The following SGSM1 variants were observed in gnomAD, a reference collection of about 807,000 sequenced individuals.
SGSM1 encodes the protein RUN and TBC1 domain containing 2.
SGSM1 carries 73 observed loss-of-function variants against 133.8 expected under a neutral mutation model. The observed-to-expected ratio is 0.55, with a 90% CI of 0.45 to 0.66. The LOEUF is 0.66. Ranked by LOEUF, SGSM1 falls within the 30% of genes least tolerant of loss-of-function variation. The pLI is 0.00. For missense variants in SGSM1, 1,213 were observed against 1,448.1 expected (o/e 0.84, Z 2.64); for synonymous variants, 563 against 573.0 (o/e 0.98, Z 0.25).
chr22:24,898,002 G>A lies in SGSM1; in HGVS notation c.2053G>A (p.Val685Met), dbSNP rs2123702789. The A allele has an allele frequency of 6.2e-7, 1 of 1,608,908 alleles. No individual in the cohort carries two copies. Among genetic ancestry groups the A allele is most frequent in the East Asian group, 2.2e-5 (1 of 44,712 alleles). Residue 685 changes from valine to methionine, a missense_variant, in exon 19 of 25, where the codon GTG becomes ATG. By Grantham distance (21) the Val-to-Met change is conservative. Coordinates refer to ENST00000400358, the MANE Select transcript of SGSM1 (RefSeq NM_001098497.3). ...TGAGTCTGTGGATGAGGTGGAGCAG[G>A]TGGAGGCTGAAGGCAGATTGGAGGA... ...VFESVDEVEQVEAEGRLEEKQ... is the reference protein window; with the variant it reads ...VFESVDEVEQMEAEGRLEEKQ...
intron 4 of SGSM1, among the ~76,000 whole-genome samples, chr22:24,849,054 G>A (rs1483265639): frequency 2.0e-5 from 3 of 152,196 alleles, no homozygotes; most frequent in Non-Finnish European, 2.9e-5. Context: ...CACTGGGAGT[G>A]ACCTCCTAGT....
At chr22:24,876,739 T>C in intron 13 of SGSM1, 24 bp downstream of exon 13, 3 of 1,613,710 alleles carry the variant, frequency 1.9e-6, no homozygotes, top group Non-Finnish European at 2.5e-6. Flanking sequence ...GAGCTGCAGA[T>C]GGAGAGAGCT....
At chr22:24,870,427 A>G (rs1569156564) in intron 12 of SGSM1, among the ~76,000 whole-genome samples, 1 of 152,244 alleles carries the variant, frequency 6.6e-6, no homozygotes, top group Non-Finnish European at 1.5e-5. Flanking sequence ...TTGCCTTCCC[A>G]GGAAACTCCA....
intron 8 of SGSM1, 169 bp downstream of exon 8, chr22:24,855,849 GCACCCATCCTTACATCCATCCATC>G: frequency 1.0e-6 from 1 of 980,800 alleles, no homozygotes; most frequent in Non-Finnish European, 1.6e-6. Flanking sequence ...ATATTTACAC[GCACCCATCCTTACATCCATCCATC>G]CACCCATTGT....
chr22:24,879,861 C>A (rs1932233353), intron 14 of SGSM1, among the ~76,000 whole-genome samples: 1 of 152,176 alleles, frequency 6.6e-6, no homozygotes, highest in East Asian at 1.9e-4. Flanking sequence ...AAAGCCCCAG[C>A]ACCTAGTATT....
chr22:24,862,950 G>A (rs977640544), intron 9 of SGSM1, among the ~76,000 whole-genome samples: 1 of 152,144 alleles, frequency 6.6e-6, no homozygotes, highest in Non-Finnish European at 1.5e-5. Context: ...TGCACCCAAC[G>A]TCAAAGCTTT....
chr22:24,902,286 C>T (rs1933194584), intron 20 of SGSM1, among the ~76,000 whole-genome samples: 1 of 152,142 alleles, frequency 6.6e-6, no homozygotes, highest in Non-Finnish European at 1.5e-5. Context: ...AGTGGCTGAG[C>T]GGGAACTCAT....
chr22:24,877,702 C>A (rs1932092623), intron 13 of SGSM1, among the ~76,000 whole-genome samples: 2 of 151,848 alleles, frequency 1.3e-5, no homozygotes, highest in South Asian at 2.1e-4. Context: ...GTCTCTCATC[C>A]CAAACTTCCT....
In SGSM1 at chr22:24,807,061, C is replaced by G. The variant is rs190610047; in HGVS notation, c.63+577C>G. Among the ~76,000 whole-genome samples, 540 of 152,228 alleles carry G rather than the reference C, an allele frequency of 3.5e-3. 2 individuals are homozygous for G. The highest frequency in any genetic ancestry group is 0.012 in the African/African-American group (517 of 41,548). Reference sequence around the variant, plus strand: ...GCAGTAGGGGTCCCTTCACTCCCCCCGCCCCACTCCCACCCCACATTCAGA... The same window carrying G: ...GCAGTAGGGGTCCCTTCACTCCCCCGGCCCCACTCCCACCCCACATTCAGA... On this transcript the variant is annotated intron_variant, in intron 2 of 24. Coordinates refer to ENST00000400358, the MANE Select transcript of SGSM1 (RefSeq NM_001098497.3).
At chr22:24,898,668 G>A (rs1054431317) in intron 19 of SGSM1, 109 bp downstream of exon 19, 42 of 1,113,836 alleles carry the variant, frequency 3.8e-5, no homozygotes, top group Non-Finnish European at 5.2e-5. Flanking sequence ...CCTCTGGTTC[G>A]TTGCATTTTT....
rs1445424438 is a variant in SGSM1, at chr22:24,860,912, AAAAAAAAAAAATATAT to A, written c.926+1074_926+1089del. ...GAGACTGTCTTAAAAAAAAAAAAAA[AAAAAAAAAAAATATAT>A]ATATATATATATATATATATAATTT... On this transcript the variant is annotated intron_variant, in intron 9 of 24. Coordinates refer to ENST00000400358, the MANE Select transcript of SGSM1 (RefSeq NM_001098497.3). 6.6e-4 allele frequency among the ~76,000 whole-genome samples: 65 copies of A among 97,766 alleles called. 1 individual carries two copies. The highest frequency in any genetic ancestry group is 2.8e-3 in the African/African-American group (59 of 20,702). 64.1% of individuals were successfully genotyped at this position (97,766 alleles called of 152,430 possible).
intron 2 of SGSM1, among the ~76,000 whole-genome samples, chr22:24,833,183 C>T (rs1225726872): frequency 6.6e-6 from 1 of 151,562 alleles, no homozygotes; most frequent in Non-Finnish European, 1.5e-5. Flanking sequence ...GATCTACCCT[C>T]CTCGGCCTCC....
chr22:24,855,974 C>T (rs1332554859), intron 8 of SGSM1: 1 of 577,928 alleles, frequency 1.7e-6, no homozygotes, highest in South Asian at 1.7e-5. Context: ...TTCACCCATC[C>T]ACCCATCTTT....
chr22:24,875,200 G>C (rs573337958), intron 12 of SGSM1, among the ~76,000 whole-genome samples: 2 of 152,274 alleles, frequency 1.3e-5, no homozygotes, highest in Non-Finnish European at 2.9e-5. Flanking sequence ...CTACAGCAGG[G>C]ATTAGAAAAC....
intron 2 of SGSM1, among the ~76,000 whole-genome samples, chr22:24,822,295 A>T (rs1236212679): frequency 6.6e-6 from 1 of 151,594 alleles, no homozygotes; most frequent in Non-Finnish European, 1.5e-5. Flanking sequence ...GGTTTCACTG[A>T]GTTAGCCAGG....
intron 2 of SGSM1, among the ~76,000 whole-genome samples, chr22:24,812,049 A>G (rs1363623315): frequency 6.6e-6 from 1 of 151,772 alleles, no homozygotes; most frequent in Admixed American, 6.6e-5. Flanking sequence ...ATGCGCCTGT[A>G]ATCTCAGCTA....
intron 12 of SGSM1, among the ~76,000 whole-genome samples, chr22:24,875,686 C>G (rs960809635): frequency 2.4e-4 from 37 of 151,696 alleles, no homozygotes; most frequent in Middle Eastern, 3.4e-3. Flanking sequence ...GAAAATAAAG[C>G]TTTTGCACCT....
intron 23 of SGSM1, among the ~76,000 whole-genome samples, chr22:24,918,400 G>A (rs1032650556): frequency 6.9e-6 from 1 of 145,434 alleles, no homozygotes. Context: ...GGAGGCTGAG[G>A]CAGGAGAATC....
rs1231998902 is a variant in SGSM1, at chr22:24,914,368, C to T, written c.2928+1616C>T. Among the ~76,000 whole-genome samples the T allele has an allele frequency of 3.3e-5, 5 of 151,518 alleles. No homozygotes were observed. In the East Asian group the frequency reaches 9.7e-4, roughly 29 times the overall value. ...GCCTATAATCCCAGCTACAGCTACT[C>T]AGGAGGCTGAGGTAGGAGAATTGCT... is the stretch of plus-strand genomic sequence containing the variant. On this transcript the variant is annotated intron_variant, in intron 22 of 24. Coordinates refer to ENST00000400358, the MANE Select transcript of SGSM1 (RefSeq NM_001098497.3).
Sources: gnomAD v4.1 joint callset for allele counts (sites outside exome capture counted in the v4.1 genomes callset) on GRCh38, gnomAD v4.1.1 for gene constraint, MANE v1.5 for transcripts, NCBI Gene and HGNC (gene_info 2026-07-23, HGNC 2026-07-21) for gene names.